The following FBLN7 variants were observed in gnomAD, a reference collection of about 807,000 sequenced individuals.
FBLN7 encodes fibulin-7.
A neutral mutation model predicts 44.0 loss-of-function variants in FBLN7; 31 were observed. The observed-to-expected ratio is 0.70, with a 90% CI of 0.53 to 0.95. The LOEUF (loss-of-function observed/expected upper bound fraction) is 0.95. Ranked by LOEUF, FBLN7 falls within the 40% of genes least tolerant of loss-of-function variation. The probability of loss-of-function intolerance (pLI) is 0.00; values close to 1 mark genes in which losing one functional copy is unlikely to be tolerated. For missense variants in FBLN7, 573 were observed against 618.5 expected, an observed-to-expected ratio of 0.93 and a Z score of 0.78; for synonymous variants, 262 against 253.4, an observed-to-expected ratio of 1.03 and a Z score of -0.32.
the FBLN7 span, chr2:112,230,933 C>G: frequency 2.4e-6 from 3 of 1,254,226 alleles, no homozygotes; most frequent in South Asian, 4.6e-5. Context: ...TACATGACTT[C>G]TTTTCAGTAT....
the FBLN7 span, among the ~76,000 whole-genome samples, chr2:112,227,071 C>G: frequency 3.9e-5 from 6 of 152,116 alleles, no homozygotes; most frequent in Non-Finnish European, 8.8e-5. Context: ...CTATAAAAAC[C>G]TACAGCTAAA....
the FBLN7 span, chr2:112,236,745 T>TCCTTC: frequency 6.6e-7 from 1 of 1,514,520 alleles, no homozygotes; most frequent in Non-Finnish European, 8.9e-7. Flanking sequence ...ACAATAGCAG[T>TCCTTC]TTACTTTTAA....
At chr2:112,140,250 C>CCAGTGTCCCTCCCGCCTCTCTCCAGGT (rs1340839935) in intron 1 of FBLN7, among the ~76,000 whole-genome samples, 3 of 148,696 alleles carry the variant, frequency 2.0e-5, no homozygotes, top group Admixed American at 6.7e-5. Flanking sequence ...TCTCTCCACG[C>CCAGTGTCCCTCCCGCCTCTCTCCAGGT]CAGTGTCCCT....
intron 1 of FBLN7, among the ~76,000 whole-genome samples, chr2:112,147,993 A>C (rs1680971283): frequency 6.6e-6 from 1 of 151,436 alleles, no homozygotes; most frequent in African/African-American, 2.4e-5. Flanking sequence ...GCTCTCTCCG[A>C]CTCACTGCCC....
the FBLN7 span, among the ~76,000 whole-genome samples, chr2:112,200,732 T>C: frequency 6.6e-4 from 101 of 152,238 alleles, 1 homozygote; most frequent in African/African-American, 2.4e-3. Flanking sequence ...GGTTTCGTCA[T>C]GTTGGCCAGG....
At chr2:112,160,758 AC>A (rs1681776048) in intron 2 of FBLN7, among the ~76,000 whole-genome samples, 1 of 53,086 alleles carries the variant, frequency 1.9e-5, no homozygotes, top group Non-Finnish European at 4.2e-5. Flanking sequence ...GCACGCACAC[AC>A]GCACGCACAC....
At chr2:112,182,438 T>C (rs1380825044) in intron 5 of FBLN7, among the ~76,000 whole-genome samples, 1 of 152,228 alleles carries the variant, frequency 6.6e-6, no homozygotes, top group Non-Finnish European at 1.5e-5. Flanking sequence ...AGAGTTAACA[T>C]GGGGCTGTTA....
the FBLN7 span, chr2:112,214,844 C>A: frequency 2.0e-5 from 3 of 152,154 alleles, no homozygotes; most frequent in African/African-American, 7.2e-5. Flanking sequence ...ATGAGAATCT[C>A]TGTCTCCTAA....
At chr2:112,158,167 G>A (rs1171763405) in intron 1 of FBLN7, among the ~76,000 whole-genome samples, 1 of 152,114 alleles carries the variant, frequency 6.6e-6, no homozygotes, top group Admixed American at 6.5e-5. Context: ...AAAGTGCTGG[G>A]ATTACAGGCG....
the FBLN7 span, among the ~76,000 whole-genome samples, chr2:112,200,483 T>G: frequency 6.6e-6 from 1 of 152,184 alleles, no homozygotes; most frequent in Non-Finnish European, 1.5e-5. Flanking sequence ...ACACATCACC[T>G]CCATCTATGT....
In FBLN7 at chr2:112,170,327, G is replaced by T. The variant is rs539775332; in HGVS notation, c.406+5156G>T. On this transcript the variant is annotated intron_variant, in intron 3 of 7. Transcript: ENST00000331203. ...GGATCACTTGAGGTCAGGAGTTCGA[G>T]ACCAGCCTGGCCAACTTGGCAAAAC... 3.9e-5 allele frequency among the ~76,000 whole-genome samples: 6 copies of T among 152,006 alleles called. No homozygotes were observed. The South Asian group carries it at 1.3e-3, about 32-fold the overall frequency.
chr2:112,217,982 G>A, the FBLN7 span, among the ~76,000 whole-genome samples: 2 of 152,026 alleles, frequency 1.3e-5, no homozygotes, highest in African/African-American at 4.8e-5. Context: ...ACCCAGGCTG[G>A]ACCTGAATTC....
chr2:112,185,196 C>G lies in FBLN7; in HGVS notation c.809-5C>G, dbSNP rs1280883810. 6.2e-7 allele frequency: 1 copy of G among 1,612,762 alleles called. No homozygotes were observed. Among genetic ancestry groups the G allele is most frequent in the South Asian group, 1.1e-5 (1 of 91,042 alleles). On this transcript the variant is annotated splice_region_variant and splice_polypyrimidine_tract_variant and intron_variant, in intron 6 of 7. Transcript: ENST00000331203. ...TTCTCACCTGTTGTATGTCCTGTAT[C>G]TCAGATGTGGATGAATGTGTGGGCC...
At chr2:112,158,909 G>A (rs1353684105) in intron 1 of FBLN7, among the ~76,000 whole-genome samples, 1 of 152,190 alleles carries the variant, frequency 6.6e-6, no homozygotes, top group Non-Finnish European at 1.5e-5. Flanking sequence ...TAAGTAGAAT[G>A]CTGGCACCTC....
At position 112,181,723 on chromosome 2, in the gene FBLN7, T is replaced by A. The variant is rs1256781933; in HGVS notation, c.533-16T>A. The stretch of plus-strand genomic sequence containing the variant: ...GTGCGCCAGGGCCCGGCACTGAGCG[T>A]GTCTTCTCCCCGCAGCCGCCCCCGA... On this transcript the variant is annotated splice_polypyrimidine_tract_variant and intron_variant, in intron 4 of 7. Transcript: ENST00000331203. The A allele has an allele frequency of 7.3e-7, 1 of 1,375,262 alleles. No individual in the cohort carries two copies. Among genetic ancestry groups the A allele is most frequent in the South Asian group, 1.7e-5 (1 of 60,244 alleles). The allele number at this position is 1,375,262 out of a possible 1,614,324, so 85.2% of individuals were successfully genotyped here.
At chr2:112,139,216 T>TCCCGCCTCTCTCCAGGCCAGCGTCCC (rs1680514896) in intron 1 of FBLN7, among the ~76,000 whole-genome samples, 1 of 9,612 alleles carries the variant, frequency 1.0e-4, no homozygotes, top group Non-Finnish European at 1.6e-4. Context: ...GCCAGTGTCC[T>TCCCGCCTCTCTCCAGGCCAGCGTCCC]TCACGCCTCT....
chr2:112,215,033 TA>T, the FBLN7 span: 1 of 152,122 alleles, frequency 6.6e-6, no homozygotes, highest in Non-Finnish European at 1.5e-5. Context: ...ATATAACAAT[TA>T]TTTTTTTCCT....
chr2:112,159,909 G>A (rs953723980), intron 2 of FBLN7, 74 bp downstream of exon 2: 5 of 1,324,228 alleles, frequency 3.8e-6, no homozygotes, highest in Non-Finnish European at 3.9e-6. Flanking sequence ...CTCCCAGCTG[G>A]AGGCCCCTCG....
chr2:112,197,210 C>A, the FBLN7 span, among the ~76,000 whole-genome samples: 1 of 145,390 alleles, frequency 6.9e-6, no homozygotes, highest in Non-Finnish European at 1.5e-5. Context: ...AATCATCATA[C>A]AATGACTGGC....
Sources: gnomAD v4.1 joint callset for allele counts (sites outside exome capture counted in the v4.1 genomes callset) on GRCh38, gnomAD v4.1.1 for gene constraint, MANE v1.5 for transcripts, NCBI Gene and HGNC (gene_info 2026-07-23, HGNC 2026-07-21) for gene names.